The following HOMER2 variants were observed in gnomAD, a reference collection of about 807,000 sequenced individuals.
HOMER2 encodes the protein homer protein homolog 2.
A neutral mutation model predicts 47.0 loss-of-function variants in HOMER2; 27 were observed. The ratio of observed to expected loss-of-function variants is 0.57; its 90% CI spans 0.42 to 0.79. HOMER2 has a LOEUF of 0.79. Among genes scored for constraint, HOMER2 ranks in the 30% least tolerant of loss-of-function variants. The pLI is 0.00. For synonymous variants in HOMER2, 161 were observed against 163.8 expected (o/e 0.98, Z 0.13); for missense variants, 443 against 435.0 (o/e 1.02, Z -0.16).
At chr15:82,875,238 C>G in intron 3 of HOMER2, 35 bp downstream of exon 3, 1 of 1,605,842 alleles carries the variant, frequency 6.2e-7, no homozygotes, top group East Asian at 2.2e-5. Flanking sequence ...GCATCTGATG[C>G]GGGATTTACT....
At chr15:82,983,748 C>T (rs530239393) in intron 1 of HOMER2, among the ~76,000 whole-genome samples, 1 of 152,098 alleles carries the variant, frequency 6.6e-6, no homozygotes, top group Admixed American at 6.5e-5. Context: ...CCTGACCACG[C>T]CCGGCTAATT....
chr15:82,962,900 CTT>C (rs895284036), intron 1 of HOMER2, among the ~76,000 whole-genome samples: 1 of 152,188 alleles, frequency 6.6e-6, no homozygotes, highest in Admixed American at 6.5e-5. Flanking sequence ...AAAACATAAA[CTT>C]AGTCTAGCTG....
At chr15:82,908,919 T>C (rs1322767732) in intron 1 of HOMER2, among the ~76,000 whole-genome samples, 4 of 152,042 alleles carry the variant, frequency 2.6e-5, no homozygotes, top group Non-Finnish European at 2.9e-5. Context: ...TTGGGGTGAC[T>C]GCTGTGTTAG....
At chr15:82,858,906 T>A in intron 5 of HOMER2, 123 bp downstream of exon 5, 1 of 1,125,642 alleles carries the variant, frequency 8.9e-7, no homozygotes, top group African/African-American at 1.6e-5. Context: ...GAGACAAGAG[T>A]GGATGCTCTA....
At chr15:82,868,541 A>ATATATATATATATATATATATT in intron 3 of HOMER2, among the ~76,000 whole-genome samples, 5 of 71,262 alleles carry the variant, frequency 7.0e-5, no homozygotes, top group Non-Finnish European at 1.1e-4. Context: ...ATATATATAT[A>ATATATATATATATATATATATT]TTTTTTTTTT....
At chr15:82,841,594 T>G (rs968561102) in exon 2 of HOMER2, 2 of 152,200 alleles carry the variant, frequency 1.3e-5, no homozygotes, top group Non-Finnish European at 2.9e-5. Flanking sequence ...TTTTTTAACA[T>G]TGTTCTAAAA....
intron 1 of HOMER2, among the ~76,000 whole-genome samples, chr15:82,959,716 C>A (rs913597363): frequency 6.6e-6 from 1 of 152,128 alleles, no homozygotes; most frequent in African/African-American, 2.4e-5. Flanking sequence ...CGATGCGCAG[C>A]CAGGGTTGAG....
chr15:82,878,629 G>T (rs1276870240), intron 2 of HOMER2, among the ~76,000 whole-genome samples: 1 of 152,044 alleles, frequency 6.6e-6, no homozygotes, highest in Non-Finnish European at 1.5e-5. Flanking sequence ...GACATGCTAG[G>T]TCTTTCATTT....
intron 1 of HOMER2, among the ~76,000 whole-genome samples, chr15:82,979,017 C>T (rs1210608200): frequency 6.6e-6 from 1 of 152,236 alleles, no homozygotes; most frequent in Non-Finnish European, 1.5e-5. Context: ...CTGCACCTGG[C>T]CACGATCTGA....
chr15:82,843,073 T>C (rs2051192624), exon 2 of HOMER2: 1 of 152,144 alleles, frequency 6.6e-6, no homozygotes, highest in Non-Finnish European at 1.5e-5. Flanking sequence ...ATCACAGATT[T>C]AACTGTTTAG....
chr15:82,946,038 C>A lies in HOMER2; in HGVS notation c.5+6493G>T, dbSNP rs577318902. ...ACAAAACAAGGGTAGGGCCATCACA[C>A]TGAGCTAGAAATAAAGGTAATGGAT... is the stretch of plus-strand genomic sequence containing the variant. On this transcript the variant is annotated intron_variant, in intron 1 of 8. Transcript: ENST00000450735. 2.6e-5 allele frequency among the ~76,000 whole-genome samples: 4 copies of A among 152,020 alleles called. No homozygotes were observed. The South Asian group carries it at 8.3e-4, about 32-fold the overall frequency.
intron 1 of HOMER2, among the ~76,000 whole-genome samples, chr15:82,933,180 C>T (rs2054058465): frequency 6.6e-6 from 1 of 151,648 alleles, no homozygotes; most frequent in African/African-American, 2.4e-5. Flanking sequence ...CACTTATCTA[C>T]AACTCTCCAT....
At chr15:82,944,269 A>G (rs1567069180) in intron 1 of HOMER2, among the ~76,000 whole-genome samples, 1 of 152,156 alleles carries the variant, frequency 6.6e-6, no homozygotes, top group Non-Finnish European at 1.5e-5. Context: ...CCCCGCTAGG[A>G]AACTGGATCA....
chr15:82,880,592 G>A (rs1006905850), intron 2 of HOMER2, among the ~76,000 whole-genome samples: 5 of 152,202 alleles, frequency 3.3e-5, no homozygotes, highest in African/African-American at 1.2e-4. Context: ...AAAGTTGTTA[G>A]GGAGGCTAAT....
At chr15:82,839,333 G>A (rs2051154329) in exon 2 of HOMER2, 1 of 152,192 alleles carries the variant, frequency 6.6e-6, no homozygotes, top group Non-Finnish European at 1.5e-5. Flanking sequence ...GCAAGAACCA[G>A]AAACATTGGC....
chr15:82,911,311 G>T (rs2053447721), intron 1 of HOMER2, among the ~76,000 whole-genome samples: 1 of 152,134 alleles, frequency 6.6e-6, no homozygotes, highest in African/African-American at 2.4e-5. Flanking sequence ...ATTAGTTCTA[G>T]TTTTGGCAAA....
chr15:82,847,353 A>C (rs1366326025), downstream of HOMER2: 2 of 152,258 alleles, frequency 1.3e-5, no homozygotes, highest in South Asian at 2.1e-4. Flanking sequence ...TTCACGGCCA[A>C]GCCCAACTTA....
intron 1 of HOMER2, among the ~76,000 whole-genome samples, chr15:82,901,031 G>C (rs1213813690): frequency 6.6e-6 from 1 of 152,142 alleles, no homozygotes; most frequent in Non-Finnish European, 1.5e-5. Flanking sequence ...TTATTTCCTA[G>C]AGTGTCTGAC....
intron 2 of HOMER2, among the ~76,000 whole-genome samples, chr15:82,891,511 C>A (rs1263131387): frequency 6.6e-6 from 1 of 152,158 alleles, no homozygotes; most frequent in African/African-American, 2.4e-5. Flanking sequence ...AGCAGGCTCT[C>A]GTGCCTTCCC....
Sources: allele counts gnomAD v4.1 joint callset (sites outside exome capture counted in the v4.1 genomes callset), GRCh38; gene constraint gnomAD v4.1.1; transcripts MANE v1.5; gene names NCBI Gene and HGNC (gene_info 2026-07-23, HGNC 2026-07-21).